GREB1L: variants seen among roughly 807,000 people sequenced by gnomAD.
The protein encoded by GREB1L is GREB1 like retinoic acid receptor coactivator.
A neutral mutation model predicts 200.8 loss-of-function variants in GREB1L; 17 were observed. That is an observed-to-expected ratio of 0.08 (90% CI 0.06 to 0.13). GREB1L has a LOEUF of 0.13. Among genes scored for constraint, GREB1L ranks in the 10% least tolerant of loss-of-function variants. The pLI, the probability that GREB1L is intolerant of heterozygous loss-of-function variation, is 1.00. For missense variants in GREB1L, 1,657 were observed against 2,367.7 expected (o/e 0.70, Z 6.23); for synonymous variants, 789 against 893.0 (o/e 0.88, Z 2.08).
At chr18:21,353,562 A>T (rs1487013748) in intron 1 of GREB1L, among the ~76,000 whole-genome samples, 2 of 152,244 alleles carry the variant, frequency 1.3e-5, no homozygotes, top group East Asian at 3.9e-4. Flanking sequence ...TATTTTCACT[A>T]GTCAACTATG....
intron 1 of GREB1L, chr18:21,363,479 A>G (rs2039613075): frequency 6.6e-6 from 1 of 151,902 alleles, no homozygotes; most frequent in South Asian, 2.1e-4. Flanking sequence ...TTTGCTTAGA[A>G]GAGGTTTATG....
At chr18:21,485,472 G>A (rs2036090500) in intron 17 of GREB1L, 148 bp from the exon 18 acceptor site, 1 of 602,072 alleles carries the variant, frequency 1.7e-6, no homozygotes, top group Non-Finnish European at 2.8e-6. Flanking sequence ...TGCAGAGTTG[G>A]TGTCGGGTTA....
intron 7 of GREB1L, among the ~76,000 whole-genome samples, chr18:21,410,472 A>G (rs1313031157): frequency 6.6e-6 from 1 of 152,030 alleles, no homozygotes. Context: ...CCTGGGCAAC[A>G]TGGCAAAACC....
At position 21,447,300 on chromosome 18, in the gene GREB1L, A is replaced by T. The variant is rs551141406; in HGVS notation, c.1394-2210A>T. On this transcript the variant is annotated intron_variant, in intron 11 of 32. Coordinates refer to ENST00000424526, the MANE Select transcript of GREB1L (RefSeq NM_001142966.3). ...ACCCTGTCTCTAATTAAAAAAATTTAAAAAAAAAATTTTTTTAAAAGGCTG... is the reference window on the plus strand; with the variant it reads ...ACCCTGTCTCTAATTAAAAAAATTTTAAAAAAAAATTTTTTTAAAAGGCTG... 5.7e-4 allele frequency among the ~76,000 whole-genome samples: 87 copies of T among 151,478 alleles called. 1 individual carries two copies. Among genetic ancestry groups the T allele is most frequent in the East Asian group, 2.9e-3 (15 of 5,164 alleles).
At chr18:21,242,946 G>A (rs374758314) in intron 1 of GREB1L, among the ~76,000 whole-genome samples, 4 of 152,168 alleles carry the variant, frequency 2.6e-5, no homozygotes, top group African/African-American at 9.7e-5. Flanking sequence ...AGAACGTCCA[G>A]AGGTGGCTGG....
intron 11 of GREB1L, among the ~76,000 whole-genome samples, chr18:21,445,548 C>T (rs1480651454): frequency 6.6e-6 from 1 of 152,046 alleles, no homozygotes; most frequent in Non-Finnish European, 1.5e-5. Flanking sequence ...TTAGTATGCA[C>T]TCTTGTGAAA....
chr18:21,439,497 C>G, intron 7 of GREB1L, 24 bp from the exon 8 acceptor site: 2 of 1,375,858 alleles, frequency 1.5e-6, no homozygotes, highest in Middle Eastern at 1.8e-4. Flanking sequence ...CTGTTCTGAG[C>G]ACTCCTCTCC....
rs117310579 is a variant in GREB1L at position 21,358,271 on chromosome 18, G to A, written c.-119-7756G>A. Among the ~76,000 whole-genome samples the A allele has an allele frequency of 7.2e-3, 1,097 of 152,016 alleles. 10 individuals carry two copies. Among genetic ancestry groups the A allele is most frequent in the Non-Finnish European group, 0.011 (776 of 67,966 alleles). On this transcript the variant is annotated intron_variant, in intron 1 of 32. Transcript: ENST00000424526. ...TAATTTGTGGTTAGCATATAGAAATGCTGATTTTTGAGGAAAAACAGTTAT... is the reference window on the plus strand; with the variant it reads ...TAATTTGTGGTTAGCATATAGAAATACTGATTTTTGAGGAAAAACAGTTAT...
intron 7 of GREB1L, among the ~76,000 whole-genome samples, chr18:21,419,843 C>A (rs1486133949): frequency 2.6e-5 from 4 of 152,160 alleles, no homozygotes; most frequent in South Asian, 2.1e-4. Context: ...TGTCCATATT[C>A]AAAAACATGA....
chr18:21,469,578 G>T (rs1340017651), intron 15 of GREB1L, among the ~76,000 whole-genome samples: 1 of 152,100 alleles, frequency 6.6e-6, no homozygotes, highest in African/African-American at 2.4e-5. Flanking sequence ...GAAAATGTGG[G>T]CGTTAAGTGT....
intron 15 of GREB1L, among the ~76,000 whole-genome samples, chr18:21,462,906 A>C (rs1250049471): frequency 2.6e-5 from 4 of 152,216 alleles, no homozygotes; most frequent in African/African-American, 9.7e-5. Flanking sequence ...ACCTAACTGC[A>C]TATCACATTG....
At chr18:21,510,172 C>A (rs2037181431) in intron 27 of GREB1L, among the ~76,000 whole-genome samples, 1 of 151,366 alleles carries the variant, frequency 6.6e-6, no homozygotes, top group Admixed American at 6.6e-5. Context: ...CAAGATCATG[C>A]CACTGCACAC....
chr18:21,242,715 G>T (rs1490512672), intron 1 of GREB1L, among the ~76,000 whole-genome samples: 1 of 152,198 alleles, frequency 6.6e-6, no homozygotes, highest in African/African-American at 2.4e-5. Flanking sequence ...GGCTCTACTC[G>T]CTGCCTTTGT....
At chr18:21,459,279 C>CTTTTTTTTTTTTTTT (rs746568414) in intron 15 of GREB1L, among the ~76,000 whole-genome samples, 2 of 85,930 alleles carry the variant, frequency 2.3e-5, no homozygotes, top group African/African-American at 5.1e-5. Flanking sequence ...TTTTTCTTTA[C>CTTTTTTTTTTTTTTT]TTTTTTTTTT....
At chr18:21,377,889 A>C (rs2078278558) in intron 2 of GREB1L, among the ~76,000 whole-genome samples, 1 of 152,036 alleles carries the variant, frequency 6.6e-6, no homozygotes, top group African/African-American at 2.4e-5. Context: ...CAGCCTGGGC[A>C]ACAAGAGTAT....
intron 1 of GREB1L, among the ~76,000 whole-genome samples, chr18:21,296,811 C>T (rs943949229): frequency 6.6e-6 from 1 of 152,150 alleles, no homozygotes. Flanking sequence ...CATGCCACCA[C>T]CCCTGGCTAA....
intron 4 of GREB1L, among the ~76,000 whole-genome samples, chr18:21,386,585 G>T (rs1233144411): frequency 3.4e-5 from 5 of 146,108 alleles, no homozygotes; most frequent in African/African-American, 1.0e-4. Context: ...ACTGTGCCTG[G>T]CCAGTAGCTT....
chr18:21,384,187 G>C lies in GREB1L; in HGVS notation c.158-19G>C, dbSNP rs2144073574. 1 of 1,477,696 alleles carries C rather than the reference G, an allele frequency of 6.8e-7. No homozygotes were observed. The highest frequency in any genetic ancestry group is 2.5e-5 in the East Asian group (1 of 40,506). 91.5% of individuals were successfully genotyped at this position (1,477,696 alleles called of 1,614,324 possible). On this transcript the variant is annotated intron_variant, in intron 3 of 32. Transcript: ENST00000424526. ...AGCATCTTTTTATTAAATCTGCTGTGATTTATTTGCTTACCCAGATGTCAA... is the reference window on the plus strand; with the variant it reads ...AGCATCTTTTTATTAAATCTGCTGTCATTTATTTGCTTACCCAGATGTCAA...
Position 21,441,449 on chromosome 18 carries a change from A to G in GREB1L, c.1119A>G (p.Leu373=). The change falls in exon 10 of 33, where the codon TTA becomes TTG. Residue 373 remains leucine, a synonymous_variant. Coordinates refer to ENST00000424526, the MANE Select transcript of GREB1L (RefSeq NM_001142966.3). ...PVPQTPLTGI[L]QPRPIPAGET... Reference sequence around the variant, plus strand: ...CACAGACCCCACTAACTGGAATTTTACAACCCAGGCCCATTCCTGCAGGGG... The same window carrying G: ...CACAGACCCCACTAACTGGAATTTTGCAACCCAGGCCCATTCCTGCAGGGG... 2 of 1,551,300 alleles carry G rather than the reference A, an allele frequency of 1.3e-6. No individual in the cohort carries two copies. Among genetic ancestry groups the G allele is most frequent in the Non-Finnish European group, 1.7e-6 (2 of 1,146,816 alleles).
Sources: allele counts gnomAD v4.1 joint callset (sites outside exome capture counted in the v4.1 genomes callset), GRCh38; gene constraint gnomAD v4.1.1; transcripts MANE v1.5; gene names NCBI Gene and HGNC (gene_info 2026-07-23, HGNC 2026-07-21).